Variants in ADAMTS9 observed in about 807,000 individuals in gnomAD.
ADAMTS9 encodes the protein A disintegrin and metalloproteinase with thrombospondin motifs 9.
In ADAMTS9, 107 loss-of-function variants were observed where a neutral mutation model predicts 257.1. That is an observed-to-expected ratio of 0.42 (90% CI 0.36 to 0.49). The LOEUF is 0.49. Ranked by LOEUF, ADAMTS9 falls within the 20% of genes least tolerant of loss-of-function variation. ADAMTS9 has a pLI of 0.03. For synonymous variants in ADAMTS9, 982 were observed against 880.9 expected, an observed-to-expected ratio of 1.11 and a Z score of -2.03; for missense variants, 2,353 against 2,469.1, an observed-to-expected ratio of 0.95 and a Z score of 1.00.
intron 28 of ADAMTS9, chr3:64,592,582 T>C (rs1384739009): frequency 6.6e-6 from 1 of 152,228 alleles, no homozygotes; most frequent in Non-Finnish European, 1.5e-5. Flanking sequence ...TTTATAATTC[T>C]CTAAGACTTA....
At chr3:64,525,429 A>G (rs1364096129) in intron 38 of ADAMTS9, among the ~76,000 whole-genome samples, 4 of 152,108 alleles carry the variant, frequency 2.6e-5, no homozygotes, top group Non-Finnish European at 5.9e-5. Context: ...TATGATGAAC[A>G]TATTTGTGCC....
chr3:64,546,967 A>G lies in ADAMTS9; in HGVS notation c.4870-15T>C. 1 of 1,596,738 alleles carries G rather than the reference A, an allele frequency of 6.3e-7. No homozygotes were observed. Among genetic ancestry groups the G allele is most frequent in the Non-Finnish European group, 8.5e-7 (1 of 1,171,386 alleles). ...GTCACTGAGCACTGCAAAGACAGGG[A>G]TTGAGAGGAGAGGTTCGAGCAGTTC... On this transcript the variant is annotated splice_polypyrimidine_tract_variant and intron_variant, in intron 31 of 39. Transcript: ENST00000498707.
chr3:64,650,451 A>G (rs1448217866), intron 9 of ADAMTS9: 1 of 153,106 alleles, frequency 6.5e-6, no homozygotes, highest in Non-Finnish European at 1.5e-5. Flanking sequence ...TGGATCTTTG[A>G]GCAGCCTAGC....
chr3:64,535,046 C>T (rs748969792), intron 37 of ADAMTS9, among the ~76,000 whole-genome samples: 4 of 152,132 alleles, frequency 2.6e-5, no homozygotes, highest in Non-Finnish European at 2.9e-5. Flanking sequence ...GCACAATGCA[C>T]GTCACGCATT....
chr3:64,615,575 T>A, intron 20 of ADAMTS9, 90 bp from the exon 21 acceptor site: 1 of 1,344,302 alleles, frequency 7.4e-7, no homozygotes, highest in Non-Finnish European at 1.0e-6. Flanking sequence ...TTCCAGCTCT[T>A]AAGAAACAAC....
In ADAMTS9 at chr3:64,568,499, T is replaced by G. The variant is rs2083596653; in HGVS notation, c.4393A>C (p.Asn1465His). Residue 1465 changes from asparagine (N) to histidine (H), a missense_variant, in exon 29 of 40, where the codon AAT becomes CAT. Physicochemically the swap from Asn to His is moderately conservative, Grantham distance 68 (BLOSUM62 1). Coordinates refer to ENST00000498707, the MANE Select transcript of ADAMTS9 (RefSeq NM_182920.2). ...CCATCTTTTGCCATGCAGTAAACAT[T>G]TCGTTGTTTATGCCCTCGACCACAA... ...VSCGRGHKQRNVYCMAKDGSH... is the reference protein window; with the variant it reads ...VSCGRGHKQRHVYCMAKDGSH... 1.2e-6 allele frequency: 2 copies of G among 1,613,970 alleles called. No individual in the cohort carries two copies. Among genetic ancestry groups the G allele is most frequent in the Non-Finnish European group, 8.5e-7 (1 of 1,179,986 alleles).
At chr3:64,621,840 G>A (rs879685797) in intron 18 of ADAMTS9, among the ~76,000 whole-genome samples, 5 of 151,502 alleles carry the variant, frequency 3.3e-5, no homozygotes, top group African/African-American at 1.2e-4. Context: ...GGCTGGATTT[G>A]GCCTGCTGGC....
intron 28 of ADAMTS9, 166 bp from the exon 29 acceptor site, chr3:64,568,701 G>T: frequency 2.7e-6 from 2 of 752,064 alleles, no homozygotes; most frequent in Non-Finnish European, 4.1e-6. Context: ...GGGAAGGAAG[G>T]TGGCATTGAA....
At chr3:64,685,328 A>C (rs1461779166) in intron 2 of ADAMTS9, 2 of 152,322 alleles carry the variant, frequency 1.3e-5, no homozygotes, top group Non-Finnish European at 2.9e-5. Flanking sequence ...GGAGCAGCCC[A>C]GTGTCTGGGG....
At chr3:64,640,150 CAG>C (rs1700602538) in intron 12 of ADAMTS9, among the ~76,000 whole-genome samples, 1 of 152,146 alleles carries the variant, frequency 6.6e-6, no homozygotes, top group African/African-American at 2.4e-5. Flanking sequence ...TTTTATGGAA[CAG>C]AGTCTGTATC....
At position 64,621,333 on chromosome 3, in the gene ADAMTS9, C is replaced by A. The variant is rs1019911185; in HGVS notation, c.2687-93G>T. On this transcript the variant is annotated intron_variant, in intron 18 of 39. Coordinates refer to ENST00000498707, the MANE Select transcript of ADAMTS9 (RefSeq NM_182920.2). ...ATTGGCAAGCATTTTCTCTAAAGAGCCAGACAGTAAATATCTTCAGAGCGT... is the reference window on the plus strand; with the variant it reads ...ATTGGCAAGCATTTTCTCTAAAGAGACAGACAGTAAATATCTTCAGAGCGT... 23 of 1,382,218 alleles carry A rather than the reference C, an allele frequency of 1.7e-5. No individual in the cohort carries two copies. In the South Asian group the frequency reaches 2.1e-4, roughly 13 times the overall value. The allele number at this position is 1,382,218 out of a possible 1,614,324, so 85.6% of individuals were successfully genotyped here. A position where few individuals can be genotyped will look rare whatever the true frequency, so the allele number is the denominator to read the frequency against.
chr3:64,533,997 C>T (rs918247437), intron 37 of ADAMTS9, among the ~76,000 whole-genome samples: 1 of 152,188 alleles, frequency 6.6e-6, no homozygotes, highest in Non-Finnish European at 1.5e-5. Context: ...GTCTCTCTCA[C>T]TCTCTCTTTC....
chr3:64,561,900 G>T, intron 29 of ADAMTS9, 149 bp from the exon 30 acceptor site: 1 of 673,634 alleles, frequency 1.5e-6, no homozygotes, highest in Non-Finnish European at 2.5e-6. Context: ...CAATGAAAGG[G>T]ATCCTAGATC....
intron 3 of ADAMTS9, 65 bp from the exon 4 acceptor site, chr3:64,658,856 T>G (rs1305730602): frequency 6.7e-6 from 10 of 1,485,164 alleles, no homozygotes; most frequent in Non-Finnish European, 8.2e-6. Flanking sequence ...AAGAATTTAA[T>G]TTGACACATT....
At chr3:64,583,912 A>G (rs2084074873) in intron 28 of ADAMTS9, 1 of 152,198 alleles carries the variant, frequency 6.6e-6, no homozygotes, top group African/African-American at 2.4e-5. Flanking sequence ...ATCAATTCCC[A>G]TGCACAACAA....
At chr3:64,567,835 G>C (rs917412307) in intron 29 of ADAMTS9, among the ~76,000 whole-genome samples, 1 of 151,868 alleles carries the variant, frequency 6.6e-6, no homozygotes, top group African/African-American at 2.4e-5. Context: ...ATGTGTAGTA[G>C]GCTCAGGAAA....
At position 64,654,266 on chromosome 3, in the gene ADAMTS9, C is replaced by T. The variant is rs1056782825; in HGVS notation, c.1316+87G>A. The T allele has an allele frequency of 2.7e-5, 36 of 1,340,706 alleles. No individual in the cohort carries two copies. The East Asian group carries it at 2.8e-4, about 10-fold the overall frequency. The allele number at this position is 1,340,706 out of a possible 1,614,324, so 83.1% of individuals were successfully genotyped here. On this transcript the variant is annotated intron_variant, in intron 8 of 39. Coordinates refer to ENST00000498707, the MANE Select transcript of ADAMTS9 (RefSeq NM_182920.2). ...TGACTCGGGAAGTCTCTTACACACT[C>T]GAAAGTCAAGTAAATGCTCACTGAT...
Position 64,568,443 on chromosome 3 carries a change from G to T in ADAMTS9, c.4449C>A (p.His1483Gln). ...TTCTGTGCCCATGTGGCTTAGCCAG[G>T]TGCTTACAGTAATCACTTTCTAAAT... ...GSHLESDYCK[H>Q]LAKPHGHRKC... Residue 1483 changes from histidine (H) to glutamine (Q), a missense_variant, in exon 29 of 40, where the codon CAC (histidine) becomes CAA (glutamine). His to Gln is a conservative substitution (Grantham distance 24, BLOSUM62 0). This residue lies in a region of ADAMTS9 where 1,402 missense variants were observed against 1,441.4 expected (regional missense o/e 0.97). Coordinates refer to ENST00000498707, the MANE Select transcript of ADAMTS9 (RefSeq NM_182920.2). The T allele has an allele frequency of 6.2e-7, 1 of 1,614,060 alleles. No homozygotes were observed. The highest frequency in any genetic ancestry group is 8.5e-7 in the Non-Finnish European group (1 of 1,179,978).
intron 25 of ADAMTS9, among the ~76,000 whole-genome samples, chr3:64,602,740 C>T (rs753444451): frequency 5.3e-5 from 8 of 152,106 alleles, no homozygotes; most frequent in African/African-American, 1.9e-4. Context: ...CTTTTTTGAC[C>T]ACCCTCTCTA....
Sources: allele counts gnomAD v4.1 joint callset (sites outside exome capture counted in the v4.1 genomes callset), GRCh38; gene constraint gnomAD v4.1.1; regional missense constraint gnomAD v4.1.1; transcripts MANE v1.5; gene names NCBI Gene and HGNC (gene_info 2026-07-23, HGNC 2026-07-21).